Variants in CHST9 observed in about 807,000 individuals in gnomAD.
CHST9 encodes carbohydrate sulfotransferase 9.
Under a neutral mutation model 44.4 loss-of-function variants are expected in CHST9, and 41 were observed. That is an observed-to-expected ratio of 0.92 (90% confidence interval 0.72 to 1.20). CHST9 has a LOEUF of 1.20. Ranked by LOEUF, CHST9 falls within the 50% of genes most tolerant of loss-of-function variation. CHST9 has a pLI of 0.00. For missense variants in CHST9, 504 were observed against 516.5 expected (o/e 0.98, Z 0.23); for synonymous variants, 171 against 178.4 (o/e 0.96, Z 0.33).
chr18:26,932,529 G>T (rs2055897011), intron 5 of CHST9, among the ~76,000 whole-genome samples: 1 of 151,570 alleles, frequency 6.6e-6, no homozygotes, highest in Admixed American at 6.6e-5. Flanking sequence ...GTGGAGCTGT[G>T]TGTGTTAGCT....
chr18:27,103,495 A>G (rs1598726883), intron 2 of CHST9, among the ~76,000 whole-genome samples: 1 of 152,144 alleles, frequency 6.6e-6, no homozygotes, highest in East Asian at 1.9e-4. Flanking sequence ...ATGAAAATCT[A>G]CTCTAAGAAA....
chr18:27,052,158 T>G (rs2057574184), intron 2 of CHST9, among the ~76,000 whole-genome samples: 1 of 152,082 alleles, frequency 6.6e-6, no homozygotes, highest in African/African-American at 2.4e-5. Flanking sequence ...CTATATAAAT[T>G]CCACCTATTA....
chr18:27,085,585 G>A (rs1168494303), intron 2 of CHST9, among the ~76,000 whole-genome samples: 1 of 152,018 alleles, frequency 6.6e-6, no homozygotes, highest in Non-Finnish European at 1.5e-5. Flanking sequence ...TCTGACACCA[G>A]CCAGAATAGC....
rs567490154 is a variant in CHST9 at position 27,144,988 on chromosome 18, A to C, written c.-96-2083T>G. Among the ~76,000 whole-genome samples, 51 of 152,260 alleles carry C rather than the reference A, an allele frequency of 3.3e-4. No individual in the cohort carries two copies. The South Asian group carries it at 9.5e-3, about 28-fold the overall frequency. ...AACACAGCAAGATCGTGTCTCAAAA[A>C]AAAATACAAAATAAAAAACCAGTTC... On this transcript the variant is annotated intron_variant, in intron 1 of 5. Transcript: ENST00000618847.
chr18:27,179,310 A>G (rs937582068), intron 1 of CHST9, among the ~76,000 whole-genome samples: 2 of 152,074 alleles, frequency 1.3e-5, no homozygotes, highest in East Asian at 1.9e-4. Context: ...AGATTAGAAC[A>G]TGACCTGCTT....
intron 2 of CHST9, among the ~76,000 whole-genome samples, chr18:27,079,003 G>T (rs1456249687): frequency 1.3e-5 from 2 of 152,136 alleles, no homozygotes; most frequent in Non-Finnish European, 2.9e-5. Flanking sequence ...AGTTCCTAAA[G>T]CCATGAGCAA....
chr18:26,944,667 GA>G (rs917730785), intron 4 of CHST9, among the ~76,000 whole-genome samples: 3 of 152,114 alleles, frequency 2.0e-5, no homozygotes, highest in African/African-American at 7.2e-5. Flanking sequence ...AAGGACCGAA[GA>G]AAAATTTGAA....
chr18:27,141,730 T>C (rs897129494), intron 2 of CHST9, among the ~76,000 whole-genome samples: 6 of 143,602 alleles, frequency 4.2e-5, no homozygotes, highest in Non-Finnish European at 9.0e-5. Context: ...GGGTTTTATA[T>C]CTAGAATAAC....
rs116181469 is a variant in CHST9, at chr18:26,938,009, G to A, written c.240+6320C>T. 6.3e-3 allele frequency among the ~76,000 whole-genome samples: 955 copies of A among 152,176 alleles called. 14 individuals carry two copies. The highest frequency in any genetic ancestry group is 0.022 in the African/African-American group (915 of 41,508). ...CACAATTATTGATGGCAATTATTCA[G>A]AAGCATTGAGTGCTTGAATGAGAGC... On this transcript the variant is annotated intron_variant, in intron 5 of 5. Coordinates refer to ENST00000618847, the MANE Select transcript of CHST9 (RefSeq NM_031422.6).
At chr18:27,013,071 G>A (rs2057104984) in intron 4 of CHST9, among the ~76,000 whole-genome samples, 1 of 152,118 alleles carries the variant, frequency 6.6e-6, no homozygotes, top group Non-Finnish European at 1.5e-5. Context: ...TTTCATTACT[G>A]TATGAGCTTG....
intron 5 of CHST9, among the ~76,000 whole-genome samples, chr18:26,925,107 G>A (rs1214733578): frequency 6.6e-6 from 1 of 152,002 alleles, no homozygotes; most frequent in African/African-American, 2.4e-5. Context: ...TAATGAGATG[G>A]AGAAAAAACT....
intron 2 of CHST9, among the ~76,000 whole-genome samples, chr18:27,082,293 T>C (rs1425635724): frequency 6.6e-6 from 1 of 152,248 alleles, no homozygotes; most frequent in Non-Finnish European, 1.5e-5. Flanking sequence ...AATTATAATA[T>C]ACTAACTTCA....
intron 4 of CHST9, among the ~76,000 whole-genome samples, chr18:26,965,499 G>C (rs1205788575): frequency 6.6e-6 from 1 of 152,206 alleles, no homozygotes; most frequent in African/African-American, 2.4e-5. Flanking sequence ...CTGGCCTGTA[G>C]CATGGGTTTT....
chr18:26,967,857 CAGA>C (rs759875566), intron 4 of CHST9, among the ~76,000 whole-genome samples: 2 of 152,156 alleles, frequency 1.3e-5, no homozygotes, highest in African/African-American at 2.4e-5. Flanking sequence ...TAAAAGCAGG[CAGA>C]AGAAGGTGGA....
chr18:27,047,745 G>A lies in CHST9; in HGVS notation c.160+720C>T, dbSNP rs149442719. Among the ~76,000 whole-genome samples the A allele has an allele frequency of 8.4e-3, 1,274 of 152,072 alleles. 19 individuals are homozygous for A. The highest frequency in any genetic ancestry group is 0.027 in the African/African-American group (1,118 of 41,514). On this transcript the variant is annotated intron_variant, in intron 3 of 5. Coordinates refer to ENST00000618847, the MANE Select transcript of CHST9 (RefSeq NM_031422.6). ...TTGGTAGAAACTTGGGAAGGATGGC[G>A]GGCATAGGTACACATGCCAAATTAG...
intron 5 of CHST9, among the ~76,000 whole-genome samples, chr18:26,932,793 A>G (rs1023074128): frequency 3.9e-5 from 6 of 152,240 alleles, no homozygotes; most frequent in Non-Finnish European, 4.4e-5. Context: ...CTTCTCTTAT[A>G]GAACTCTTTT....
rs537715678 is a variant in CHST9 at position 26,952,110 on chromosome 18, G to A, written c.203-7744C>T. 1.1e-5 allele frequency: 5 copies of A among 449,460 alleles called. No homozygotes were observed. In the East Asian group the frequency reaches 3.0e-4, roughly 27 times the overall value. 27.8% of individuals were successfully genotyped at this position (449,460 alleles called of 1,614,324 possible). A position where few individuals can be genotyped will look rare whatever the true frequency, so the allele number is the denominator to read the frequency against. ...AGAGCAATACTCGAACAGCAAAGAG[G>A]AAGCCACTTAGACATTCTTGTTTCT... On this transcript the variant is annotated intron_variant, in intron 4 of 5. Coordinates refer to ENST00000618847, the MANE Select transcript of CHST9 (RefSeq NM_031422.6).
Position 26,972,357 on chromosome 18 carries a change from CAAA to C in CHST9, c.203-27994_203-27992del, listed in dbSNP as rs887066938. 4.1e-3 allele frequency among the ~76,000 whole-genome samples: 266 copies of C among 65,214 alleles called. 4 individuals are homozygous for C. The highest frequency in any genetic ancestry group is 0.012 in the African/African-American group (228 of 18,264). The allele number at this position is 65,214 out of a possible 152,430, so 42.8% of individuals were successfully genotyped here. On this transcript the variant is annotated intron_variant, in intron 4 of 5. Transcript: ENST00000618847. ...AGGTGACAGAGCAAGACTCCAACTC[CAAA>C]AAAAAAAAAAAAAAAAAAAAAGGAA...
chr18:27,178,902 T>C (rs1404338860), intron 1 of CHST9, among the ~76,000 whole-genome samples: 2 of 152,058 alleles, frequency 1.3e-5, no homozygotes, highest in African/African-American at 4.8e-5. Flanking sequence ...ATTCCAGTAT[T>C]GGACTAGTGC....
Sources: allele counts gnomAD v4.1 joint callset (sites outside exome capture counted in the v4.1 genomes callset), GRCh38; gene constraint gnomAD v4.1.1; transcripts MANE v1.5; gene names NCBI Gene and HGNC (gene_info 2026-07-23, HGNC 2026-07-21).